RBAK: variants seen among roughly 807,000 people sequenced by gnomAD.
RBAK encodes RB associated KRAB zinc finger.
RBAK carries 39 observed loss-of-function variants against 65.8 expected under a neutral mutation model. The observed-to-expected ratio is 0.59, with a 90% CI of 0.46 to 0.77. RBAK has a LOEUF of 0.77. Among genes scored for constraint, RBAK ranks in the 30% least tolerant of loss-of-function variants. The pLI is 0.00. For synonymous variants in RBAK, 343 were observed against 289.7 expected, an observed-to-expected ratio of 1.18 and a Z score of -1.87; for missense variants, 884 against 855.1, an observed-to-expected ratio of 1.03 and a Z score of -0.42.
intron 2 of RBAK, among the ~76,000 whole-genome samples, chr7:5,056,104 C>CTTTT (rs887932671): frequency 7.3e-4 from 79 of 107,898 alleles, no homozygotes; most frequent in African/African-American, 2.4e-3. Flanking sequence ...TTGCATTTTT[C>CTTTT]TTTTTTTTTT....
At chr7:5,053,598 T>C (rs1427114265) in intron 2 of RBAK, among the ~76,000 whole-genome samples, 3 of 152,224 alleles carry the variant, frequency 2.0e-5, no homozygotes, top group Non-Finnish European at 2.9e-5. Context: ...TTGTTGCCTG[T>C]ATATTAGGCC....
intron 2 of RBAK, among the ~76,000 whole-genome samples, chr7:5,050,130 C>A (rs1165156176): frequency 2.6e-5 from 4 of 152,204 alleles, no homozygotes; most frequent in African/African-American, 9.7e-5. Context: ...AGCCACCACA[C>A]CTGGCTAATA....
At position 5,063,739 on chromosome 7, in the gene RBAK, G is replaced by A. The variant is rs1226960477; in HGVS notation, c.283G>A (p.Glu95Lys). Reference protein sequence around the residue: ...DDLIERIQENEDKHSRQAACI... With the variant: ...DDLIERIQENKDKHSRQAACI... ...CCTGATAGAGAGAATCCAAGAAAAC[G>A]AAGACAAACATTCAAGGCAAGCTGC... Residue 95 changes from glutamate to lysine, a missense_variant, in exon 5 of 5, where the codon GAA becomes AAA. By Grantham distance (56) the Glu-to-Lys change is moderately conservative (BLOSUM62 1). Transcript: ENST00000396912. 6.2e-6 allele frequency: 10 copies of A among 1,612,312 alleles called. No homozygotes were observed. Among genetic ancestry groups the A allele is most frequent in the Admixed American group, 1.7e-5 (1 of 59,722 alleles).
chr7:5,055,247 TG>T (rs1188031916), intron 2 of RBAK, among the ~76,000 whole-genome samples: 1 of 28,062 alleles, frequency 3.6e-5, no homozygotes, highest in African/African-American at 1.8e-4. Flanking sequence ...GAGGCATAAA[TG>T]TGTGTGTGTG....
In RBAK at chr7:5,069,431, G is replaced by C. The variant is rs1779302418; in HGVS notation, c.*3830G>C. 6.6e-6 allele frequency: 1 copy of C among 152,104 alleles called. No homozygotes were observed. Among genetic ancestry groups the C allele is most frequent in the South Asian group, 2.1e-4 (1 of 4,828 alleles). The allele number at this position is 152,104 out of a possible 1,614,324, so 9.4% of individuals were successfully genotyped here. A position where few individuals can be genotyped will look rare whatever the true frequency, so the allele number is the denominator to read the frequency against. ...CCTATACTTTTGCATATATAAATAG[G>C]TCTGAGCTGCCTCTTCAATAAAGAA... On this transcript the variant is annotated 3_prime_UTR_variant, in exon 5 of 5. Transcript: ENST00000396912.
chr7:5,047,163 G>A (rs1788006651), intron 1 of RBAK, among the ~76,000 whole-genome samples: 1 of 152,194 alleles, frequency 6.6e-6, no homozygotes, highest in African/African-American at 2.4e-5. Context: ...CTTTGCGGGG[G>A]CTAAGGCAAG....
At chr7:5,054,271 G>T (rs986615787) in intron 2 of RBAK, among the ~76,000 whole-genome samples, 1 of 152,070 alleles carries the variant, frequency 6.6e-6, no homozygotes, top group Non-Finnish European at 1.5e-5. Context: ...CAGGCATGCT[G>T]GTACACGCCT....
intron 2 of RBAK, among the ~76,000 whole-genome samples, chr7:5,053,906 G>A (rs1024051029): frequency 1.4e-4 from 22 of 152,142 alleles, no homozygotes; most frequent in African/African-American, 2.4e-5. Context: ...TTCTGGGCCA[G>A]TTTTGATGGA....
intron 1 of RBAK, 103 bp from the exon 2 acceptor site, chr7:5,047,930 G>T (rs1047360942): frequency 3.4e-6 from 2 of 587,136 alleles, no homozygotes; most frequent in East Asian, 5.9e-5. Context: ...TGTTCACAGG[G>T]TGTTAGCCTA....
At position 5,046,235 on chromosome 7, in the gene RBAK, C is replaced by T. The variant is rs778358262; in HGVS notation, c.-206C>T. ...GGATCTGGGTCCCGGGAAGGACACCCGCCTGGATTTGCCCCTTAGGCCCGG... is the reference window on the plus strand; with the variant it reads ...GGATCTGGGTCCCGGGAAGGACACCTGCCTGGATTTGCCCCTTAGGCCCGG... On this transcript the variant is annotated 5_prime_UTR_variant, in exon 1 of 5. Transcript: ENST00000396912. 18 of 510,532 alleles carry T rather than the reference C, an allele frequency of 3.5e-5. No individual in the cohort carries two copies. Among genetic ancestry groups the T allele is most frequent in the Non-Finnish European group, 6.6e-5 (17 of 257,214 alleles). 31.6% of individuals were successfully genotyped at this position (510,532 alleles called of 1,614,324 possible).
chr7:5,048,148 G>A lies in RBAK; in HGVS notation c.15+57G>A. Reference sequence around the variant, plus strand: ...AACTTTATTTTATGATGCATTTTAAGAGGTTTGTAAGGATTCTTACCTTTT... The same window carrying A: ...AACTTTATTTTATGATGCATTTTAAAAGGTTTGTAAGGATTCTTACCTTTT... On this transcript the variant is annotated intron_variant, in intron 2 of 4. Transcript: ENST00000396912. The surrounding 1 kb of genome is among the most constrained non-coding windows in gnomAD (Gnocchi z 4.4). 6.3e-7 allele frequency: 1 copy of A among 1,578,004 alleles called. No individual in the cohort carries two copies. The highest frequency in any genetic ancestry group is 1.2e-5 in the South Asian group (1 of 85,276).
chr7:5,059,363 C>T (rs1779012155), intron 4 of RBAK, among the ~76,000 whole-genome samples: 4 of 151,968 alleles, frequency 2.6e-5, no homozygotes, highest in Admixed American at 2.6e-4. Flanking sequence ...TCTTGTCGCC[C>T]AGGCTGGAGT....
rs532593888 is a variant in RBAK at position 5,055,651 on chromosome 7, A to G, written c.16-1644A>G. Among the ~76,000 whole-genome samples, 6 of 152,220 alleles carry G rather than the reference A, an allele frequency of 3.9e-5. No homozygotes were observed. In the South Asian group the frequency reaches 6.2e-4, roughly 16 times the overall value. On this transcript the variant is annotated intron_variant, in intron 2 of 4. Coordinates refer to ENST00000396912, the MANE Select transcript of RBAK (RefSeq NM_021163.4). The stretch of plus-strand genomic sequence containing the variant: ...ATCTGGTACTGGATTTTGTTTGATT[A>G]TGTTTCATTTTGGGTTTTTGTATTG...
Position 5,064,379 on chromosome 7 carries a change from G to A in RBAK, c.923G>A (p.Arg308Gln), listed in dbSNP as rs199670554. 2.7e-5 allele frequency: 43 copies of A among 1,613,598 alleles called. No individual in the cohort carries two copies. Among genetic ancestry groups the A allele is most frequent in the Admixed American group, 1.0e-4 (6 of 59,968 alleles). Residue 308 changes from arginine to glutamine, a missense_variant, in exon 5 of 5, where the codon CGG (arginine) becomes CAG (glutamine). Arg to Gln is a conservative substitution (Grantham distance 43, BLOSUM62 1). Coordinates refer to ENST00000396912, the MANE Select transcript of RBAK (RefSeq NM_021163.4). This position sits in a 1 kb window ranked among gnomAD's most constrained non-coding sequence, Gnocchi z 6.3. ...FSQKGTLTVH[R>Q]RSHLEEKPYK... is the part of the protein sequence containing the mutation. Reference sequence around the variant, plus strand: ...CAAAAGGGAACCCTCACTGTACATCGGAGATCACACTTAGAGGAGAAGCCC... The same window carrying A: ...CAAAAGGGAACCCTCACTGTACATCAGAGATCACACTTAGAGGAGAAGCCC...
intron 2 of RBAK, among the ~76,000 whole-genome samples, chr7:5,052,874 C>T (rs550089149): frequency 1.3e-5 from 2 of 152,096 alleles, no homozygotes; most frequent in Non-Finnish European, 2.9e-5. Context: ...ATTCTCCTGC[C>T]TCAGCCTCCC....
At chr7:5,063,601 G>C in intron 4 of RBAK, 94 bp from the exon 5 acceptor site, 1 of 991,012 alleles carries the variant, frequency 1.0e-6, no homozygotes, top group Non-Finnish European at 1.4e-6. Context: ...TAAAGCCAGA[G>C]TCAACCCCAC....
chr7:5,052,515 A>G (rs1158361811), intron 2 of RBAK, among the ~76,000 whole-genome samples: 1 of 152,182 alleles, frequency 6.6e-6, no homozygotes, highest in Non-Finnish European at 1.5e-5. Context: ...GTTTTTAGCT[A>G]TCACACTGTT....
Position 5,064,905 on chromosome 7 carries a change from A to C in RBAK, c.1449A>C (p.Lys483Asn). The C allele has an allele frequency of 6.2e-7, 1 of 1,614,060 alleles. No homozygotes were observed. ...IRHRKVHTEEKSHECSECGKF... is the reference protein window; with the variant it reads ...IRHRKVHTEENSHECSECGKF... ...ATCGGAAAGTACACACAGAAGAGAA[A>C]TCCCATGAATGTAGTGAATGTGGAA... The change falls in exon 5 of 5, where the codon AAA becomes AAC. Residue 483 changes from lysine (K) to asparagine (N), a missense_variant. Physicochemically the swap from Lys to Asn is moderately conservative, Grantham distance 94. Transcript: ENST00000396912. The surrounding 1 kb of genome is among the most constrained non-coding windows in gnomAD (Gnocchi z 6.3).
In RBAK at chr7:5,046,355, C is replaced by A. The variant is rs766649463; in HGVS notation, c.-86C>A. The A allele has an allele frequency of 5.8e-6, 3 of 515,834 alleles. No homozygotes were observed. Among genetic ancestry groups the A allele is most frequent in the African/African-American group, 3.9e-5 (2 of 51,886 alleles). 32.0% of individuals were successfully genotyped at this position (515,834 alleles called of 1,614,324 possible). ...CCAGCGACAGCAGCCCCGCCCCGGC[C>A]TCTCGGGAGCCGTGGGGCAGAGGCT... On this transcript the variant is annotated 5_prime_UTR_variant, in exon 1 of 5. Coordinates refer to ENST00000396912, the MANE Select transcript of RBAK (RefSeq NM_021163.4).
Sources: gnomAD v4.1 joint callset for allele counts (sites outside exome capture counted in the v4.1 genomes callset) on GRCh38, gnomAD v4.1.1 for gene constraint, Gnocchi (gnomAD v3.1) non-coding constraint, MANE v1.5 for transcripts, NCBI Gene and HGNC (gene_info 2026-07-23, HGNC 2026-07-21) for gene names.